GMDS: variants seen among roughly 807,000 people sequenced by gnomAD.
GMDS encodes GDP-mannose 4,6-dehydratase, also known as GDP-mannose 4,6 dehydratase.
A neutral mutation model predicts 49.9 loss-of-function variants in GMDS; 20 were observed. That is an observed-to-expected ratio of 0.40 (90% CI 0.28 to 0.58). GMDS has a LOEUF of 0.58. GMDS is among the 20% of genes least tolerant of loss of function. The pLI, the probability that GMDS is intolerant of heterozygous loss-of-function variation, is 0.42. For synonymous variants in GMDS, 177 were observed against 178.6 expected, an observed-to-expected ratio of 0.99 and a Z score of 0.07; for missense variants, 362 against 481.4, an observed-to-expected ratio of 0.75 and a Z score of 2.32.
At chr6:2,072,876 CACAA>C (rs1305504341) in intron 4 of GMDS, among the ~76,000 whole-genome samples, 2 of 152,186 alleles carry the variant, frequency 1.3e-5, no homozygotes, top group South Asian at 4.1e-4. Context: ...CTGGTAAAAT[CACAA>C]ACACATTTGT....
chr6:2,112,877 C>T (rs917522976), intron 4 of GMDS, among the ~76,000 whole-genome samples: 1 of 152,048 alleles, frequency 6.6e-6, no homozygotes, highest in African/African-American at 2.4e-5. Flanking sequence ...CTTCAGTCAT[C>T]AGCCCTACTT....
At chr6:2,226,925 T>C (rs556023174) in intron 1 of GMDS, among the ~76,000 whole-genome samples, 1 of 152,264 alleles carries the variant, frequency 6.6e-6, no homozygotes, top group East Asian at 1.9e-4. Flanking sequence ...CATCCAGGAA[T>C]GATTCCAGAT....
chr6:2,084,186 C>G (rs111713828), intron 4 of GMDS, among the ~76,000 whole-genome samples: 1 of 152,210 alleles, frequency 6.6e-6, no homozygotes, highest in African/African-American at 2.4e-5. Context: ...CCTTCCTCCT[C>G]ATAGATACTC....
rs752453224 is a variant in GMDS at position 1,635,255 on chromosome 6, G to A, written c.988-10715C>T. 2.6e-5 allele frequency among the ~76,000 whole-genome samples: 4 copies of A among 152,146 alleles called. No individual in the cohort carries two copies. The highest frequency in any genetic ancestry group is 1.9e-4 in the East Asian group (1 of 5,190). On this transcript the variant is annotated intron_variant, in intron 9 of 10. Coordinates refer to ENST00000380815, the MANE Select transcript of GMDS (RefSeq NM_001500.4). The surrounding 1 kb of genome is among the most constrained non-coding windows in gnomAD (Gnocchi z 4.7). ...TGCTTAGCTCTGGGAAAGGGGCTCCGTTTCACATGTCCTGGCTATGCTCCT... is the reference window on the plus strand; with the variant it reads ...TGCTTAGCTCTGGGAAAGGGGCTCCATTTCACATGTCCTGGCTATGCTCCT...
chr6:2,117,464 CT>C lies in GMDS; in HGVS notation c.235+4del. On this transcript the variant is annotated splice_donor_region_variant and intron_variant, in intron 3 of 10. Transcript: ENST00000380815. The stretch of plus-strand genomic sequence containing the variant: ...AAGAGATTCTAGAAAAAGAAAATGA[CT>C]TACTTCCTTCAATGTGAGCCTGGGG... 1 of 1,503,310 alleles carries C rather than the reference CT, an allele frequency of 6.7e-7. No individual in the cohort carries two copies. Among genetic ancestry groups the C allele is most frequent in the Non-Finnish European group, 9.3e-7 (1 of 1,078,992 alleles). The allele number at this position is 1,503,310 out of a possible 1,614,324, so 93.1% of individuals were successfully genotyped here. A position where few individuals can be genotyped will look rare whatever the true frequency, so the allele number is the denominator to read the frequency against.
At chr6:1,912,500 A>G (rs2113879956) in intron 7 of GMDS, among the ~76,000 whole-genome samples, 1 of 152,334 alleles carries the variant, frequency 6.6e-6, no homozygotes, top group Admixed American at 6.5e-5. Flanking sequence ...AAAGCTTTAA[A>G]TACAAACAGT....
At chr6:1,858,515 T>G (rs1005350490) in intron 7 of GMDS, among the ~76,000 whole-genome samples, 1 of 152,212 alleles carries the variant, frequency 6.6e-6, no homozygotes, top group Non-Finnish European at 1.5e-5. Flanking sequence ...TTCTACTACT[T>G]CACACTAGTA....
At chr6:1,775,429 A>C (rs1768758147) in intron 7 of GMDS, among the ~76,000 whole-genome samples, 2 of 152,230 alleles carry the variant, frequency 1.3e-5, no homozygotes, top group Non-Finnish European at 2.9e-5. Context: ...TAATATGTTG[A>C]TTCTTACGAT....
intron 7 of GMDS, among the ~76,000 whole-genome samples, chr6:1,751,457 C>G (rs1440542569): frequency 6.6e-6 from 1 of 152,226 alleles, no homozygotes; most frequent in African/African-American, 2.4e-5. Context: ...CTCCAGCAAA[C>G]TCCAGCAGAC....
intron 1 of GMDS, among the ~76,000 whole-genome samples, chr6:2,163,084 A>G (rs928068424): frequency 2.0e-5 from 3 of 152,252 alleles, no homozygotes; most frequent in Non-Finnish European, 4.4e-5. Context: ...AAGTCTGGAC[A>G]AGTTCTTGAT....
At chr6:2,064,578 AT>A (rs1771418854) in intron 4 of GMDS, among the ~76,000 whole-genome samples, 1 of 152,014 alleles carries the variant, frequency 6.6e-6, no homozygotes. Flanking sequence ...CTCCTCCCCG[AT>A]TCCCTACAAT....
At chr6:1,974,649 A>G (rs1764795375) in intron 4 of GMDS, among the ~76,000 whole-genome samples, 1 of 152,188 alleles carries the variant, frequency 6.6e-6, no homozygotes, top group Non-Finnish European at 1.5e-5. Flanking sequence ...ATTGCTAAGA[A>G]TGACTGGCAT....
chr6:2,175,003 C>CT (rs1438700631), intron 1 of GMDS, among the ~76,000 whole-genome samples: 1 of 152,102 alleles, frequency 6.6e-6, no homozygotes, highest in Non-Finnish European at 1.5e-5. Flanking sequence ...TCAGGGCTCT[C>CT]TAGGCAGGCC....
intron 1 of GMDS, among the ~76,000 whole-genome samples, chr6:2,150,729 A>T (rs1210027459): frequency 6.6e-6 from 1 of 152,200 alleles, no homozygotes; most frequent in Admixed American, 6.5e-5. Flanking sequence ...AACTTTGAAG[A>T]TTTTGGCCAT....
chr6:1,731,659 T>TTTGTTTC (rs1766813603), intron 8 of GMDS, among the ~76,000 whole-genome samples: 1 of 152,256 alleles, frequency 6.6e-6, no homozygotes, highest in African/African-American at 2.4e-5. Flanking sequence ...TGTCACAAAG[T>TTTGTTTC]ATTTGTTTCC....
intron 4 of GMDS, among the ~76,000 whole-genome samples, chr6:2,078,335 T>C (rs527567037): frequency 1.3e-5 from 2 of 152,230 alleles, no homozygotes; most frequent in Admixed American, 1.3e-4. Context: ...TTGTTCTTGC[T>C]TTTCTAGTTT....
intron 9 of GMDS, among the ~76,000 whole-genome samples, chr6:1,646,849 A>C (rs1036040787): frequency 2.6e-5 from 4 of 152,154 alleles, no homozygotes; most frequent in African/African-American, 9.7e-5. Flanking sequence ...GAATTCATTG[A>C]ATGCCTGGGT....
intron 9 of GMDS, among the ~76,000 whole-genome samples, chr6:1,725,938 G>T (rs960900118): frequency 6.6e-6 from 1 of 152,198 alleles, no homozygotes; most frequent in Admixed American, 6.5e-5. Context: ...GGACAGGGTG[G>T]TCCCTGACCT....
chr6:2,028,771 G>T (rs1380138219), intron 4 of GMDS, among the ~76,000 whole-genome samples: 1 of 152,090 alleles, frequency 6.6e-6, no homozygotes, highest in South Asian at 2.1e-4. Flanking sequence ...TAAACAAAAC[G>T]ACAAGTAATG....
Sources: allele counts gnomAD v4.1 joint callset (sites outside exome capture counted in the v4.1 genomes callset), GRCh38; gene constraint gnomAD v4.1.1; non-coding constraint Gnocchi (gnomAD v3.1); transcripts MANE v1.5; gene names NCBI Gene and HGNC (gene_info 2026-07-23, HGNC 2026-07-21).